The following SEMA6D variants were observed in gnomAD, a reference collection of about 807,000 sequenced individuals.
SEMA6D encodes semaphorin-6D.
In SEMA6D, 35 loss-of-function variants were observed where a neutral mutation model predicts 106.6. That is an observed-to-expected ratio of 0.33 (90% CI 0.25 to 0.44). SEMA6D has a LOEUF of 0.44. SEMA6D is among the 20% of genes least tolerant of loss of function. The pLI, the probability that SEMA6D is intolerant of heterozygous loss-of-function variation, is 1.00. For synonymous variants in SEMA6D, 499 were observed against 487.7 expected (o/e 1.02, Z -0.31); for missense variants, 1,185 against 1,345.9 (o/e 0.88, Z 1.87).
intron 1 of SEMA6D, among the ~76,000 whole-genome samples, chr15:47,257,891 T>A (rs1037824312): frequency 6.6e-6 from 1 of 152,226 alleles, no homozygotes; most frequent in Non-Finnish European, 1.5e-5. Flanking sequence ...CTGTTTCTCC[T>A]TTCAGCTGAT....
At chr15:47,390,699 C>T (rs1447380813) in intron 1 of SEMA6D, among the ~76,000 whole-genome samples, 2 of 152,132 alleles carry the variant, frequency 1.3e-5, no homozygotes, top group Non-Finnish European at 2.9e-5. Flanking sequence ...ACTTAAATAT[C>T]GATTCCTCAG....
At chr15:47,471,121 G>C (rs1283175896) in intron 3 of SEMA6D, among the ~76,000 whole-genome samples, 1 of 152,172 alleles carries the variant, frequency 6.6e-6, no homozygotes, top group Non-Finnish European at 1.5e-5. Context: ...TGTGGCTGCT[G>C]TTCCTCATGA....
chr15:47,328,652 G>C (rs887897095), intron 1 of SEMA6D, among the ~76,000 whole-genome samples: 13 of 152,126 alleles, frequency 8.5e-5, no homozygotes, highest in Non-Finnish European at 1.6e-4. Context: ...CCATAGAGGT[G>C]GTCCACCTGA....
At chr15:47,477,497 A>C (rs1416676483) in intron 3 of SEMA6D, among the ~76,000 whole-genome samples, 2 of 152,190 alleles carry the variant, frequency 1.3e-5, no homozygotes, top group Non-Finnish European at 2.9e-5. Flanking sequence ...AAAAAATGTG[A>C]ATCACAAATT....
chr15:47,384,519 C>T (rs8040191), intron 1 of SEMA6D, among the ~76,000 whole-genome samples: 33,433 of 152,192 alleles, frequency 0.22, 3,952 homozygotes, highest in Middle Eastern at 0.33. Flanking sequence ...TTTCACTAAT[C>T]TGTGCAATGA....
At chr15:47,484,672 TG>T (rs1373172633) in intron 3 of SEMA6D, among the ~76,000 whole-genome samples, 1 of 152,168 alleles carries the variant, frequency 6.6e-6, no homozygotes, top group Non-Finnish European at 1.5e-5. Context: ...GGCAGGTAAA[TG>T]GAATCCCATC....
At chr15:47,373,562 T>C (rs1374973228) in intron 1 of SEMA6D, among the ~76,000 whole-genome samples, 1 of 152,078 alleles carries the variant, frequency 6.6e-6, no homozygotes, top group Admixed American at 6.6e-5. Flanking sequence ...GAAAAAACAG[T>C]GTTCCCCTAT....
chr15:47,229,838 A>T (rs1384221722), intron 1 of SEMA6D, among the ~76,000 whole-genome samples: 1 of 152,092 alleles, frequency 6.6e-6, no homozygotes. Context: ...AAGACTGATA[A>T]CATATTATAT....
At chr15:47,351,099 T>C (rs1037723694) in intron 1 of SEMA6D, among the ~76,000 whole-genome samples, 2 of 152,172 alleles carry the variant, frequency 1.3e-5, no homozygotes, top group African/African-American at 4.8e-5. Flanking sequence ...GAATACCCAA[T>C]GTTTTCTTGT....
At chr15:47,246,297 T>C (rs2033193429) in intron 1 of SEMA6D, among the ~76,000 whole-genome samples, 2 of 152,008 alleles carry the variant, frequency 1.3e-5, no homozygotes, top group Non-Finnish European at 2.9e-5. Flanking sequence ...AACATAGGAT[T>C]ATTAGAGCCT....
intron 3 of SEMA6D, among the ~76,000 whole-genome samples, chr15:47,589,008 C>A (rs2076390947): frequency 6.6e-6 from 1 of 152,054 alleles, no homozygotes; most frequent in Admixed American, 6.6e-5. Context: ...CAGAACAGAC[C>A]CCCAACAAAG....
chr15:47,672,825 A>G (rs1011485073), intron 4 of SEMA6D, among the ~76,000 whole-genome samples: 5 of 152,324 alleles, frequency 3.3e-5, no homozygotes, highest in African/African-American at 7.2e-5. Flanking sequence ...GTAACATAAT[A>G]TAACCTAATA....
intron 1 of SEMA6D, among the ~76,000 whole-genome samples, chr15:47,289,917 A>G (rs922924599): frequency 6.6e-6 from 1 of 151,876 alleles, no homozygotes; most frequent in Non-Finnish European, 1.5e-5. Flanking sequence ...CGCCACTGTA[A>G]CTTCATCCTG....
chr15:47,755,843 A>G (rs2081693391), intron 1 of SEMA6D, among the ~76,000 whole-genome samples: 2 of 148,542 alleles, frequency 1.3e-5, no homozygotes, highest in Non-Finnish European at 3.0e-5. Flanking sequence ...AACAATATAT[A>G]ATATAAATAT....
At chr15:47,392,529 C>G (rs1426646493) in intron 1 of SEMA6D, among the ~76,000 whole-genome samples, 2 of 151,602 alleles carry the variant, frequency 1.3e-5, no homozygotes, top group African/African-American at 4.9e-5. Flanking sequence ...TGAAAGATTG[C>G]CAGAAGCTGG....
chr15:47,764,522 C>T (rs2082233749), intron 11 of SEMA6D, 116 bp from the exon 12 acceptor site: 2 of 1,438,364 alleles, frequency 1.4e-6, no homozygotes, highest in Admixed American at 4.1e-5. Flanking sequence ...TTTAGTTTCA[C>T]TCACTCTCCT....
At chr15:47,605,692 A>G (rs1439702583) in intron 4 of SEMA6D, among the ~76,000 whole-genome samples, 1 of 152,174 alleles carries the variant, frequency 6.6e-6, no homozygotes, top group Non-Finnish European at 1.5e-5. Flanking sequence ...TCAGGAAAGC[A>G]CTTTACTTGC....
At chr15:47,631,157 GTA>G (rs1159272537) in intron 4 of SEMA6D, among the ~76,000 whole-genome samples, 1 of 151,852 alleles carries the variant, frequency 6.6e-6, no homozygotes, top group Non-Finnish European at 1.5e-5. Context: ...AAAAGAGGTT[GTA>G]TAAAATTAGT....
intron 2 of SEMA6D, among the ~76,000 whole-genome samples, chr15:47,439,531 T>G (rs905499086): frequency 6.6e-6 from 1 of 152,146 alleles, no homozygotes; most frequent in African/African-American, 2.4e-5. Flanking sequence ...ATTTATCATG[T>G]GACCTAAGTG....
Sources: gnomAD v4.1 joint callset for allele counts (sites outside exome capture counted in the v4.1 genomes callset) on GRCh38, gnomAD v4.1.1 for gene constraint, MANE v1.5 for transcripts, NCBI Gene and HGNC (gene_info 2026-07-23, HGNC 2026-07-21) for gene names.